The following NR3C2 variants were observed in gnomAD, a reference collection of about 807,000 sequenced individuals.
NR3C2 encodes mineralocorticoid receptor.
NR3C2 carries 15 observed loss-of-function variants against 86.4 expected under a neutral mutation model. That is an observed-to-expected ratio of 0.17 (90% CI 0.12 to 0.27). NR3C2 has a LOEUF of 0.27. NR3C2 is among the 10% of genes least tolerant of loss of function. NR3C2 has a pLI of 1.00. For missense variants in NR3C2, 960 were observed against 1,195.6 expected (o/e 0.80, Z 2.91); for synonymous variants, 458 against 450.5 (o/e 1.02, Z -0.21).
chr4:148,414,196 A>G (rs1748881748), intron 2 of NR3C2, among the ~76,000 whole-genome samples: 2 of 152,208 alleles, frequency 1.3e-5, no homozygotes, highest in Admixed American at 1.3e-4. Context: ...ATTTATGTAA[A>G]ATTGCTAAAT....
chr4:148,396,656 A>G (rs1157821778), intron 2 of NR3C2, among the ~76,000 whole-genome samples: 2 of 152,344 alleles, frequency 1.3e-5, no homozygotes, highest in East Asian at 3.9e-4. Context: ...ACAAAAATGT[A>G]TGAGTCCCTG....
intron 2 of NR3C2, among the ~76,000 whole-genome samples, chr4:148,358,513 C>A (rs1212154630): frequency 1.3e-5 from 2 of 150,790 alleles, no homozygotes; most frequent in Non-Finnish European, 2.9e-5. Context: ...GGAGATATAC[C>A]TAATGCTAGA....
intron 2 of NR3C2, among the ~76,000 whole-genome samples, chr4:148,387,561 T>C (rs755255850): frequency 6.6e-6 from 1 of 152,184 alleles, no homozygotes; most frequent in South Asian, 2.1e-4. Flanking sequence ...TTTGGTCACA[T>C]GTTTAGACCA....
intron 2 of NR3C2, among the ~76,000 whole-genome samples, chr4:148,373,373 T>C (rs1746510437): frequency 6.6e-6 from 1 of 152,092 alleles, no homozygotes; most frequent in Non-Finnish European, 1.5e-5. Flanking sequence ...TCCTGTATCA[T>C]GCCTTACATT....
chr4:148,397,904 G>A (rs1747943528), intron 2 of NR3C2, among the ~76,000 whole-genome samples: 1 of 152,160 alleles, frequency 6.6e-6, no homozygotes, highest in Non-Finnish European at 1.5e-5. Flanking sequence ...TTCTCACACA[G>A]TTCTGGAGGC....
chr4:148,144,974 C>T (rs1733796826), intron 6 of NR3C2, among the ~76,000 whole-genome samples: 1 of 152,164 alleles, frequency 6.6e-6, no homozygotes, highest in Non-Finnish European at 1.5e-5. Flanking sequence ...ATGATCAGGG[C>T]AGGAGAGGTC....
At chr4:148,305,089 T>G (rs964381275) in intron 2 of NR3C2, among the ~76,000 whole-genome samples, 22 of 152,026 alleles carry the variant, frequency 1.4e-4, no homozygotes, top group African/African-American at 4.8e-4. Context: ...AAATAAAAAC[T>G]TAATCATTTG....
chr4:148,316,587 T>C (rs572434374), intron 2 of NR3C2, among the ~76,000 whole-genome samples: 1 of 152,306 alleles, frequency 6.6e-6, no homozygotes, highest in Non-Finnish European at 1.5e-5. Flanking sequence ...TGAAATGCTC[T>C]CTTTGCAATT....
At chr4:148,378,170 G>A (rs562065063) in intron 2 of NR3C2, among the ~76,000 whole-genome samples, 6 of 152,172 alleles carry the variant, frequency 3.9e-5, no homozygotes, top group South Asian at 2.1e-4. Flanking sequence ...GGGGGCTGGC[G>A]GGGGATCTTA....
chr4:148,409,664 TAATAA>T (rs960753224), intron 2 of NR3C2, among the ~76,000 whole-genome samples: 271 of 152,268 alleles, frequency 1.8e-3, no homozygotes, highest in African/African-American at 6.1e-3. Flanking sequence ...ATTGAGCATA[TAATAA>T]AATGTTTATT....
intron 6 of NR3C2, among the ~76,000 whole-genome samples, chr4:148,133,535 C>T (rs1202277064): frequency 6.6e-6 from 1 of 152,192 alleles, no homozygotes; most frequent in Admixed American, 6.5e-5. Context: ...AGAAACGTTA[C>T]CAGACTATTG....
chr4:148,091,942 C>A (rs1731080560), intron 8 of NR3C2, among the ~76,000 whole-genome samples: 1 of 152,152 alleles, frequency 6.6e-6, no homozygotes, highest in African/African-American at 2.4e-5. Context: ...ATGAAACCAC[C>A]AAGAAGAGTT....
At position 148,120,303 on chromosome 4, in the gene NR3C2, A is replaced by G; in HGVS notation, c.2511-15T>C. 6.2e-7 allele frequency: 1 copy of G among 1,614,012 alleles called. No homozygotes were observed. Among genetic ancestry groups the G allele is most frequent in the Non-Finnish European group, 8.5e-7 (1 of 1,179,902 alleles). On this transcript the variant is annotated splice_polypyrimidine_tract_variant and intron_variant, in intron 6 of 8. Transcript: ENST00000358102. Reference sequence around the variant, plus strand: ...GCATCTTCTCTCTGCAAAGGAAAAGAAGAAAATGTCTGAGAATGCAAGATT... The same window carrying G: ...GCATCTTCTCTCTGCAAAGGAAAAGGAGAAAATGTCTGAGAATGCAAGATT...
chr4:148,325,943 T>C (rs906716739), intron 2 of NR3C2, among the ~76,000 whole-genome samples: 1 of 152,232 alleles, frequency 6.6e-6, no homozygotes, highest in Non-Finnish European at 1.5e-5. Context: ...TTTTGTTCAC[T>C]GAATCACAAG....
At position 148,435,136 on chromosome 4, in the gene NR3C2, C is replaced by G. The variant is rs768118618; in HGVS notation, c.1725G>C (p.Pro575=). ...CATTTTCTGGAATGTATTCTAAGAC[C>G]GGATACCCATCACTTCTTCTAGACG... ...DLSSRRSDGY[P]VLEYIPENVS... The change falls in exon 2 of 9, where the codon CCG becomes CCC. Residue 575 remains proline, a synonymous_variant. Coordinates refer to ENST00000358102, the MANE Select transcript of NR3C2 (RefSeq NM_000901.5). 17 of 1,613,994 alleles carry G rather than the reference C, an allele frequency of 1.1e-5. No individual in the cohort carries two copies. Among genetic ancestry groups the G allele is most frequent in the Non-Finnish European group, 1.4e-5 (16 of 1,180,014 alleles).
chr4:148,207,900 T>C (rs1158741702), intron 3 of NR3C2: 1 of 152,180 alleles, frequency 6.6e-6, no homozygotes, highest in East Asian at 1.9e-4. Context: ...AATAACACAG[T>C]AATTAAATAA....
chr4:148,427,568 G>A (rs534071565), intron 2 of NR3C2, among the ~76,000 whole-genome samples: 84 of 151,800 alleles, frequency 5.5e-4, no homozygotes, highest in Admixed American at 3.1e-3. Flanking sequence ...GAGGGTGTCC[G>A]AACCCCAGCA....
intron 2 of NR3C2, among the ~76,000 whole-genome samples, chr4:148,406,902 T>C (rs1168964681): frequency 6.6e-6 from 1 of 152,178 alleles, no homozygotes; most frequent in Non-Finnish European, 1.5e-5. Flanking sequence ...TTCAGTGAGA[T>C]GTGAATTTAA....
At chr4:148,262,692 G>A (rs1350940066) in intron 2 of NR3C2, among the ~76,000 whole-genome samples, 1 of 152,224 alleles carries the variant, frequency 6.6e-6, no homozygotes, top group Non-Finnish European at 1.5e-5. Context: ...CTGGAATAGG[G>A]TGGACCCCAA....
Sources: gnomAD v4.1 joint callset for allele counts (sites outside exome capture counted in the v4.1 genomes callset) on GRCh38, gnomAD v4.1.1 for gene constraint, MANE v1.5 for transcripts, NCBI Gene and HGNC (gene_info 2026-07-23, HGNC 2026-07-21) for gene names.